The following PALM2AKAP2 variants were observed in gnomAD, a reference collection of about 807,000 sequenced individuals.
PALM2AKAP2 encodes the protein PALM2 and AKAP2 fusion.
Under a neutral mutation model 71.5 loss-of-function variants are expected in PALM2AKAP2, and 37 were observed. The observed-to-expected ratio is 0.52, with a 90% confidence interval of 0.40 to 0.68. PALM2AKAP2 has a LOEUF of 0.68. Ranked by LOEUF, PALM2AKAP2 falls within the 30% of genes least tolerant of loss-of-function variation. The probability of loss-of-function intolerance (pLI) is 0.00; values close to 1 mark genes in which losing one functional copy is unlikely to be tolerated. For missense variants in PALM2AKAP2, 1,224 were observed against 1,191.8 expected, an observed-to-expected ratio of 1.03 and a Z score of -0.40; for synonymous variants, 468 against 478.8, an observed-to-expected ratio of 0.98 and a Z score of 0.29.
chr9:110,045,363 C>A (rs1249200663), upstream of PALM2AKAP2, among the ~76,000 whole-genome samples: 1 of 152,158 alleles, frequency 6.6e-6, no homozygotes, highest in Non-Finnish European at 1.5e-5. Context: ...ATTCTCAGCT[C>A]TAATAATCAT....
chr9:109,885,712 T>A, intron 3 of PALM2AKAP2, among the ~76,000 whole-genome samples: 1 of 152,220 alleles, frequency 6.6e-6, no homozygotes, highest in East Asian at 1.9e-4. Flanking sequence ...TGGGGATTCC[T>A]GTAGGTGAGA....
At chr9:109,777,371 T>C, upstream of PALM2AKAP2, among the ~76,000 whole-genome samples, 1 of 152,196 alleles carries the variant, frequency 6.6e-6, no homozygotes, top group Non-Finnish European at 1.5e-5. Flanking sequence ...TTTGACTGTA[T>C]CTTTGGCCTA....
At chr9:109,998,626 C>T (rs1340675229) in intron 6 of PALM2AKAP2, among the ~76,000 whole-genome samples, 6 of 19,206 alleles carry the variant, frequency 3.1e-4, no homozygotes, top group African/African-American at 5.2e-4. Flanking sequence ...CTGACCAGGG[C>T]GGGGGAGTGG....
chr9:109,718,916 C>T (rs1330004682), intron 1 of PALM2AKAP2, among the ~76,000 whole-genome samples: 2 of 152,034 alleles, frequency 1.3e-5, no homozygotes, highest in Non-Finnish European at 2.9e-5. Flanking sequence ...GATTTACATT[C>T]CCAAATGTAA....
exon 4 of PALM2AKAP2, chr9:110,171,981 A>C (rs188706510): frequency 6.5e-6 from 1 of 152,722 alleles, no homozygotes; most frequent in East Asian, 1.9e-4. Flanking sequence ...CTTCATACCC[A>C]TGCATGCTGC....
intron 1 of PALM2AKAP2, among the ~76,000 whole-genome samples, chr9:109,865,260 G>A (rs367858865): frequency 8.2e-4 from 125 of 151,774 alleles, no homozygotes; most frequent in African/African-American, 3.0e-3. Flanking sequence ...CACCACACCT[G>A]GCCAATTTTT....
chr9:110,148,516 T>A (rs1381374268), intron 2 of PALM2AKAP2: 1 of 152,196 alleles, frequency 6.6e-6, no homozygotes, highest in African/African-American at 2.4e-5. Flanking sequence ...ACCGCACAAG[T>A]CCGTGCACTC....
At chr9:110,025,959 A>C (rs1833174648) in intron 7 of PALM2AKAP2, among the ~76,000 whole-genome samples, 1 of 152,176 alleles carries the variant, frequency 6.6e-6, no homozygotes, top group South Asian at 2.1e-4. Context: ...TGACTGTGGC[A>C]GGAGGGTGCA....
chr9:109,739,537 C>T (rs1204198952), intron 1 of PALM2AKAP2, among the ~76,000 whole-genome samples: 1 of 152,174 alleles, frequency 6.6e-6, no homozygotes, highest in Non-Finnish European at 1.5e-5. Flanking sequence ...TGAACCTGCT[C>T]TTTCCTAGTT....
intron 2 of PALM2AKAP2, among the ~76,000 whole-genome samples, chr9:109,875,829 C>G (rs1317227479): frequency 6.6e-6 from 1 of 152,202 alleles, no homozygotes; most frequent in Non-Finnish European, 1.5e-5. Flanking sequence ...CCAAAGCTGG[C>G]CAGGCCAGTA....
At chr9:109,682,074 T>G (rs1292495401) in intron 1 of PALM2AKAP2, among the ~76,000 whole-genome samples, 1 of 152,188 alleles carries the variant, frequency 6.6e-6, no homozygotes, top group Non-Finnish European at 1.5e-5. Context: ...TTAAGAGAAT[T>G]AATAACATGT....
chr9:110,072,480 C>T (rs955567165), intron 1 of PALM2AKAP2, among the ~76,000 whole-genome samples: 1 of 152,194 alleles, frequency 6.6e-6, no homozygotes, highest in Non-Finnish European at 1.5e-5. Flanking sequence ...GGAAGAGAAA[C>T]TAAAGGCAGA....
intron 3 of PALM2AKAP2, among the ~76,000 whole-genome samples, chr9:110,166,317 C>T (rs1353480898): frequency 6.6e-6 from 1 of 152,170 alleles, no homozygotes; most frequent in Non-Finnish European, 1.5e-5. Flanking sequence ...AGTAGACCTG[C>T]CTGGACTTCT....
intron 6 of PALM2AKAP2, among the ~76,000 whole-genome samples, chr9:109,987,676 G>A (rs1346119060): frequency 1.3e-5 from 2 of 152,266 alleles, no homozygotes; most frequent in African/African-American, 4.8e-5. Flanking sequence ...TCCTGTGGTA[G>A]GGCTGCTATG....
In PALM2AKAP2 at chr9:110,162,387, C is replaced by A. The variant is rs138716579; in HGVS notation, c.2748+5890C>A. On this transcript the variant is annotated intron_variant, in intron 3 of 3. Transcript: ENST00000374525. ...TGGGAGGGTACTGGGGAAGACCTTG[C>A]CTGCTCACGAATCTTGAAGACGTTT... is the stretch of plus-strand genomic sequence containing the variant. Among the ~76,000 whole-genome samples the A allele has an allele frequency of 2.0e-3, 311 of 152,158 alleles. 1 individual carries two copies. Among genetic ancestry groups the A allele is most frequent in the African/African-American group, 7.1e-3 (293 of 41,506 alleles).
At chr9:110,005,671 C>T (rs928141523) in intron 6 of PALM2AKAP2, among the ~76,000 whole-genome samples, 8 of 152,206 alleles carry the variant, frequency 5.3e-5, no homozygotes, top group Non-Finnish European at 1.2e-4. Flanking sequence ...CGGTGGGCTC[C>T]ACCCAGTTCA....
At chr9:109,964,374 CAGGCAG>C (rs57432670) in intron 6 of PALM2AKAP2, among the ~76,000 whole-genome samples, 6 of 151,974 alleles carry the variant, frequency 3.9e-5, no homozygotes, top group African/African-American at 1.2e-4. Flanking sequence ...TGGGCTACTG[CAGGCAG>C]AGGCAGAGGC....
At chr9:109,821,865 A>T (rs574659179) in intron 1 of PALM2AKAP2, among the ~76,000 whole-genome samples, 2 of 152,330 alleles carry the variant, frequency 1.3e-5, no homozygotes, top group South Asian at 4.1e-4. Flanking sequence ...CAAAAACATC[A>T]AATGCCTCAG....
chr9:110,055,531 A>G lies in PALM2AKAP2; in HGVS notation c.156+6676A>G, dbSNP rs145071197. On this transcript the variant is annotated intron_variant, in intron 1 of 3. Coordinates refer to ENST00000374525, the Ensembl canonical transcript of PALM2AKAP2. Reference sequence around the variant, plus strand: ...CTTTTGGTGAAAAGGCAAGGGCACTACTCCTATTCATTAGTGTTCTACGCT... The same window carrying G: ...CTTTTGGTGAAAAGGCAAGGGCACTGCTCCTATTCATTAGTGTTCTACGCT... 4.8e-3 allele frequency among the ~76,000 whole-genome samples: 729 copies of G among 151,784 alleles called. 5 individuals are homozygous for G. Among genetic ancestry groups the G allele is most frequent in the African/African-American group, 0.016 (677 of 41,380 alleles).
Sources: allele counts gnomAD v4.1 joint callset (sites outside exome capture counted in the v4.1 genomes callset), GRCh38; gene constraint gnomAD v4.1.1; transcripts MANE v1.5; gene names NCBI Gene and HGNC (gene_info 2026-07-23, HGNC 2026-07-21).